BAALC: variants seen among roughly 807,000 people sequenced by gnomAD.
BAALC encodes BAALC binder of MAP3K1 and KLF4, also known as brain and acute leukemia cytoplasmic protein.
BAALC carries 9 observed loss-of-function variants against 15.5 expected under a neutral mutation model. The ratio of observed to expected loss-of-function variants is 0.58; its 90% CI spans 0.35 to 1.02. BAALC has a LOEUF of 1.02. BAALC is among the 50% of genes least tolerant of loss of function. BAALC has a pLI of 0.02. For synonymous variants in BAALC, 80 were observed against 74.6 expected, an observed-to-expected ratio of 1.07 and a Z score of -0.37; for missense variants, 201 against 192.4, an observed-to-expected ratio of 1.04 and a Z score of -0.27.
chr8:103,145,870 T>C (rs934451285), intron 1 of BAALC, among the ~76,000 whole-genome samples: 5 of 152,208 alleles, frequency 3.3e-5, no homozygotes, highest in Non-Finnish European at 7.3e-5. Context: ...AAATAAGGAA[T>C]TTTTGCATTT....
intron 1 of BAALC, among the ~76,000 whole-genome samples, chr8:103,148,581 T>A (rs1026972812): frequency 6.6e-6 from 1 of 152,254 alleles, no homozygotes; most frequent in Non-Finnish European, 1.5e-5. Flanking sequence ...TATTATTGAC[T>A]ATAGTCACCT....
intron 1 of BAALC, among the ~76,000 whole-genome samples, chr8:103,160,789 C>G (rs1018615532): frequency 6.6e-6 from 1 of 152,084 alleles, no homozygotes; most frequent in Non-Finnish European, 1.5e-5. Flanking sequence ...GCACCCAGCA[C>G]GGGAGAAAGA....
chr8:103,142,350 C>T (rs543235993), intron 1 of BAALC, among the ~76,000 whole-genome samples: 1 of 152,328 alleles, frequency 6.6e-6, no homozygotes, highest in East Asian at 1.9e-4. Flanking sequence ...ATACATTACA[C>T]TATATTTGTC....
intron 1 of BAALC, among the ~76,000 whole-genome samples, chr8:103,192,516 C>T (rs1811994175): frequency 6.6e-6 from 1 of 151,850 alleles, no homozygotes; most frequent in Admixed American, 6.5e-5. Flanking sequence ...TTTTGCTTTT[C>T]CCCCTTTCTT....
rs142662545 is a variant in BAALC, at chr8:103,184,874, C to T, written c.161-28045C>T. On this transcript the variant is annotated intron_variant, in intron 1 of 2. Transcript: ENST00000309982. ...TGTGGACTAAACCGCAGAGAGCTGT[C>T]GTTTATTCTGTTGATTTATGACTTG... 1.9e-3 allele frequency among the ~76,000 whole-genome samples: 287 copies of T among 152,264 alleles called. 2 individuals carry two copies. Among genetic ancestry groups the T allele is most frequent in the African/African-American group, 6.7e-3 (280 of 41,542 alleles).
chr8:103,192,987 T>C (rs1263704891), intron 1 of BAALC, among the ~76,000 whole-genome samples: 1 of 152,204 alleles, frequency 6.6e-6, no homozygotes, highest in Non-Finnish European at 1.5e-5. Flanking sequence ...GAGCAGAGTC[T>C]AGCACATCAG....
chr8:103,159,513 C>G (rs922711424), intron 1 of BAALC, among the ~76,000 whole-genome samples: 13 of 152,122 alleles, frequency 8.5e-5, no homozygotes, highest in African/African-American at 3.1e-4. Context: ...CCCTAGTATC[C>G]TCCAAAGGTG....
At chr8:103,144,621 G>A (rs1184119030) in intron 1 of BAALC, among the ~76,000 whole-genome samples, 2 of 152,104 alleles carry the variant, frequency 1.3e-5, no homozygotes, top group Non-Finnish European at 2.9e-5. Context: ...CTTCATCTCA[G>A]TGTAATCACA....
intron 1 of BAALC, among the ~76,000 whole-genome samples, chr8:103,179,003 C>T (rs1057150839): frequency 1.3e-5 from 2 of 152,088 alleles, no homozygotes; most frequent in African/African-American, 4.8e-5. Flanking sequence ...AAACTAGTTA[C>T]ATCCTAAAGG....
At position 103,191,600 on chromosome 8, in the gene BAALC, C is replaced by G. The variant is rs562300884; in HGVS notation, c.161-21319C>G. Among the ~76,000 whole-genome samples the G allele has an allele frequency of 7.2e-5, 11 of 152,210 alleles. No homozygotes were observed. The South Asian group carries it at 2.1e-3, about 29-fold the overall frequency. On this transcript the variant is annotated intron_variant, in intron 1 of 2. Transcript: ENST00000309982. ...CCCGGTTCTAGCGTGCCAAACCAAG[C>G]AGAACTTCTGGTTCAAAATGGAATC...
intron 1 of BAALC, 144 bp from the exon 2 acceptor site, chr8:103,212,775 T>A: frequency 1.4e-6 from 1 of 718,880 alleles, no homozygotes; most frequent in East Asian, 2.8e-5. Flanking sequence ...TATGTTCTTA[T>A]AGAAAAGGGT....
At chr8:103,215,523 C>G (rs1287532771) in intron 2 of BAALC, among the ~76,000 whole-genome samples, 7 of 152,188 alleles carry the variant, frequency 4.6e-5, no homozygotes, top group Admixed American at 2.6e-4. Context: ...CCATGGTCAG[C>G]TGTAACTTAA....
chr8:103,177,452 T>TCCCAAA (rs1811632894), intron 1 of BAALC, among the ~76,000 whole-genome samples: 1 of 152,188 alleles, frequency 6.6e-6, no homozygotes, highest in African/African-American at 2.4e-5. Context: ...CCCAAAGCAC[T>TCCCAAA]GGGAGTTTAT....
At chr8:103,179,648 C>T (rs1263645383) in intron 1 of BAALC, among the ~76,000 whole-genome samples, 1 of 152,250 alleles carries the variant, frequency 6.6e-6, no homozygotes, top group East Asian at 1.9e-4. Flanking sequence ...ATCCTGTCTT[C>T]TTCCAAATGG....
At chr8:103,148,418 T>G (rs543161093) in intron 1 of BAALC, among the ~76,000 whole-genome samples, 3 of 152,164 alleles carry the variant, frequency 2.0e-5, no homozygotes, top group Non-Finnish European at 4.4e-5. Context: ...AGTAGGTGTA[T>G]GTATGCATGG....
intron 1 of BAALC, among the ~76,000 whole-genome samples, chr8:103,210,482 T>C (rs1812426066): frequency 6.6e-6 from 1 of 152,256 alleles, no homozygotes; most frequent in African/African-American, 2.4e-5. Context: ...TTAGCAACTC[T>C]GCCAGTCAAC....
At chr8:103,183,194 G>A (rs1162616508) in intron 1 of BAALC, among the ~76,000 whole-genome samples, 1 of 152,226 alleles carries the variant, frequency 6.6e-6, no homozygotes, top group Non-Finnish European at 1.5e-5. Flanking sequence ...TAGGAAATGA[G>A]GTCTGCCAAG....
chr8:103,156,692 C>A (rs1341797550), intron 1 of BAALC, among the ~76,000 whole-genome samples: 1 of 152,214 alleles, frequency 6.6e-6, no homozygotes, highest in Admixed American at 6.5e-5. Context: ...CTTTCCTTAA[C>A]TCTGTTATTG....
chr8:103,207,490 T>C (rs536140552), intron 1 of BAALC, among the ~76,000 whole-genome samples: 1 of 152,330 alleles, frequency 6.6e-6, no homozygotes, highest in East Asian at 1.9e-4. Flanking sequence ...TTAGTAAAGC[T>C]TGTTAATGTA....
Sources: gnomAD v4.1 joint callset for allele counts (sites outside exome capture counted in the v4.1 genomes callset) on GRCh38, gnomAD v4.1.1 for gene constraint, MANE v1.5 for transcripts, NCBI Gene and HGNC (gene_info 2026-07-23, HGNC 2026-07-21) for gene names.